CNNM4: variants seen among roughly 807,000 people sequenced by gnomAD.
The protein encoded by CNNM4 is metal transporter CNNM4.
Under a neutral mutation model 53.7 loss-of-function variants are expected in CNNM4, and 32 were observed. The ratio of observed to expected loss-of-function variants is 0.60; its 90% confidence interval spans 0.45 to 0.80. The LOEUF (loss-of-function observed/expected upper bound fraction) is 0.80. Among genes scored for constraint, CNNM4 ranks in the 30% least tolerant of loss-of-function variants. The pLI is 0.00. For synonymous variants in CNNM4, 410 were observed against 440.0 expected, an observed-to-expected ratio of 0.93 and a Z score of 0.85; for missense variants, 784 against 1,022.0, an observed-to-expected ratio of 0.77 and a Z score of 3.17.
intron 1 of CNNM4, among the ~76,000 whole-genome samples, chr2:96,773,737 G>A (rs2078898903): frequency 6.6e-6 from 1 of 151,742 alleles, no homozygotes; most frequent in Non-Finnish European, 1.5e-5. Context: ...CACCTACTCA[G>A]GAGGCTAAGA....
rs2079153597 is a variant in CNNM4, at chr2:96,801,088, CGGGTGTCCGCCTG to C, written c.1948+1442_1948+1454del. The C allele has an allele frequency of 1.0e-6, 1 of 985,290 alleles. No homozygotes were observed. Among genetic ancestry groups the C allele is most frequent in the Non-Finnish European group, 1.2e-6 (1 of 829,924 alleles). 61.0% of individuals were successfully genotyped at this position (985,290 alleles called of 1,614,324 possible). ...TTGCTCCAGTGCCTTCAGTCCAGGT[CGGGTGTCCGCCTG>C]GCAAGCGGAACTCCCTGCTCTGCTG... On this transcript the variant is annotated intron_variant, in intron 5 of 6. Coordinates refer to ENST00000377075, the MANE Select transcript of CNNM4 (RefSeq NM_020184.4). This position sits in a 1 kb window ranked among gnomAD's most constrained non-coding sequence, Gnocchi z 5.6.
rs1482694780 is a variant in CNNM4 at position 96,761,240 on chromosome 2, T to C, written c.241T>C (p.Tyr81His). 1.2e-6 allele frequency: 2 copies of C among 1,614,116 alleles called. No homozygotes were observed. The highest frequency in any genetic ancestry group is 1.7e-5 in the Admixed American group (1 of 60,030). The change falls in exon 1 of 7, where the codon TAC becomes CAC. Residue 81 changes from tyrosine to histidine, a missense_variant. By Grantham distance (83) the Tyr-to-His change is moderately conservative (BLOSUM62 2). Around this residue, in one of 3 missense-constraint regions of CNNM4, gnomAD observed 473 missense variants for 624.6 expected, o/e 0.76. Coordinates refer to ENST00000377075, the MANE Select transcript of CNNM4 (RefSeq NM_020184.4). The surrounding 1 kb of genome is among the most constrained non-coding windows in gnomAD (Gnocchi z 6.0). ...CACCGTGAACCTGAGGCTGTACGGC[T>C]ACAGCCTGGGCAACATCTCCAGCAA... The part of the protein sequence containing the change: ...GSTVNLRLYG[Y>H]SLGNISSNLI...
chr2:96,789,809 C>T (rs1417259050), intron 1 of CNNM4, among the ~76,000 whole-genome samples: 1 of 151,374 alleles, frequency 6.6e-6, no homozygotes, highest in Non-Finnish European at 1.5e-5. Flanking sequence ...TCTCCTGCCT[C>T]AGCCTCCTGA....
chr2:96,771,399 CA>C (rs1282877271), intron 1 of CNNM4, among the ~76,000 whole-genome samples: 1 of 149,534 alleles, frequency 6.7e-6, no homozygotes, highest in African/African-American at 2.5e-5. Flanking sequence ...CAAAACAAAA[CA>C]AAAACCTTAT....
rs2153349796 is a variant in CNNM4 at position 96,799,532 on chromosome 2, C to T, written c.1852-20C>T. ...TTCCTCCCTCACTTGGTCTCTAACT[C>T]CAGCCCTGTGTTTTTTCAGGGGAAG... On this transcript the variant is annotated intron_variant, in intron 4 of 6. Transcript: ENST00000377075. 1 of 1,550,000 alleles carries T rather than the reference C, an allele frequency of 6.5e-7. No homozygotes were observed. Among genetic ancestry groups the T allele is most frequent in the Non-Finnish European group, 8.7e-7 (1 of 1,144,900 alleles).
chr2:96,777,852 T>C (rs1047991173), intron 1 of CNNM4, among the ~76,000 whole-genome samples: 2 of 151,444 alleles, frequency 1.3e-5, no homozygotes, highest in African/African-American at 4.8e-5. Flanking sequence ...TTGCCTTGGC[T>C]GGTCTTGAAC....
At position 96,761,158 on chromosome 2, in the gene CNNM4, C is replaced by T. The variant is rs1265756408; in HGVS notation, c.159C>T (p.Ser53=). The part of the protein sequence containing the change: ...QGTIVGMRLA[S]CNKSCGTNPD... ...CGATCGTGGGCATGAGGCTGGCGAG[C>T]TGCAACAAGTCGTGTGGGACGAACC... is the stretch of plus-strand genomic sequence containing the variant. The change falls in exon 1 of 7, where the codon AGC becomes AGT. Residue 53 remains serine, a synonymous_variant. Transcript: ENST00000377075. This position sits in a 1 kb window ranked among gnomAD's most constrained non-coding sequence, Gnocchi z 6.0. The T allele has an allele frequency of 6.2e-7, 1 of 1,608,726 alleles. No individual in the cohort carries two copies. The highest frequency in any genetic ancestry group is 2.2e-5 in the East Asian group (1 of 44,782).
At chr2:96,792,008 C>T (rs534594249) in intron 1 of CNNM4, among the ~76,000 whole-genome samples, 19 of 151,952 alleles carry the variant, frequency 1.3e-4, no homozygotes, top group South Asian at 2.1e-4. Flanking sequence ...AATCTCAGCA[C>T]TTTGGGAGGC....
intron 1 of CNNM4, among the ~76,000 whole-genome samples, chr2:96,775,709 G>A (rs1014517542): frequency 6.6e-6 from 1 of 152,110 alleles, no homozygotes; most frequent in Non-Finnish European, 1.5e-5. Context: ...GTGCATGGTT[G>A]TGTCTCACTG....
At position 96,800,975 on chromosome 2, in the gene CNNM4, G is replaced by A; in HGVS notation, c.1948+1327G>A. 1 of 425,030 alleles carries A rather than the reference G, an allele frequency of 2.4e-6. No individual in the cohort carries two copies. Among genetic ancestry groups the A allele is most frequent in the Non-Finnish European group, 3.1e-6 (1 of 317,906 alleles). The allele number at this position is 425,030 out of a possible 1,614,324, so 26.3% of individuals were successfully genotyped here. On this transcript the variant is annotated intron_variant, in intron 5 of 6. Coordinates refer to ENST00000377075, the MANE Select transcript of CNNM4 (RefSeq NM_020184.4). This position sits in a 1 kb window ranked among gnomAD's most constrained non-coding sequence, Gnocchi z 4.6. The stretch of plus-strand genomic sequence containing the variant: ...TCCACTGGGCCCATCTCTGCCCAAA[G>A]CAGCCTGGCCCCGTCAGGTCTGCCT...
chr2:96,795,487 A>ACC (rs5832819), intron 1 of CNNM4, among the ~76,000 whole-genome samples: 90 of 137,094 alleles, frequency 6.6e-4, no homozygotes, highest in African/African-American at 1.8e-3. Context: ...ACAATGCAGT[A>ACC]CCCCCCCCCC....
intron 5 of CNNM4, among the ~76,000 whole-genome samples, chr2:96,804,856 G>T (rs1574085629): frequency 6.6e-6 from 1 of 151,452 alleles, no homozygotes; most frequent in Non-Finnish European, 1.5e-5. Context: ...ATTTGTGTTG[G>T]TTTTAAATTC....
At position 96,801,153 on chromosome 2, in the gene CNNM4, G is replaced by T; in HGVS notation, c.1948+1505G>T. ...CTCACAGGTAACGTGGCACAGCTGA[G>T]GGTCACGCTGCCACCTGCTGCCTGT... On this transcript the variant is annotated intron_variant, in intron 5 of 6. Transcript: ENST00000377075. The surrounding 1 kb of genome is among the most constrained non-coding windows in gnomAD (Gnocchi z 5.6). 1 of 984,158 alleles carries T rather than the reference G, an allele frequency of 1.0e-6. No individual in the cohort carries two copies. The highest frequency in any genetic ancestry group is 4.7e-5 in the South Asian group (1 of 21,270). The allele number at this position is 984,158 out of a possible 1,614,324, so 61.0% of individuals were successfully genotyped here. A position where few individuals can be genotyped will look rare whatever the true frequency, so the allele number is the denominator to read the frequency against.
intron 1 of CNNM4, among the ~76,000 whole-genome samples, chr2:96,779,101 C>T (rs752921749): frequency 1.9e-4 from 29 of 152,212 alleles, no homozygotes; most frequent in South Asian, 4.1e-4. Context: ...GGACTATAGG[C>T]GCCTGCCACC....
rs760464330 is a variant in CNNM4 at position 96,761,688 on chromosome 2, G to T, written c.689G>T (p.Arg230Leu). Residue 230 changes from arginine to leucine, a missense_variant, in exon 1 of 7, where the codon CGC (arginine) becomes CTC (leucine). This residue lies in a region of CNNM4 where 473 missense variants were observed against 624.6 expected (regional missense o/e 0.76). Coordinates refer to ENST00000377075, the MANE Select transcript of CNNM4 (RefSeq NM_020184.4). This position sits in a 1 kb window ranked among gnomAD's most constrained non-coding sequence, Gnocchi z 6.0. Reference sequence around the variant, plus strand: ...ACCGAGAAGGAGAGGCGCTATGCCCGCAAGATTGAGCCCATCCGGCGCAAG... The same window carrying T: ...ACCGAGAAGGAGAGGCGCTATGCCCTCAAGATTGAGCCCATCCGGCGCAAG... ...CGTEKERRYA[R>L]KIEPIRRKGN... 1.2e-6 allele frequency: 2 copies of T among 1,609,896 alleles called. No homozygotes were observed. Among genetic ancestry groups the T allele is most frequent in the Non-Finnish European group, 1.7e-6 (2 of 1,179,952 alleles).
At chr2:96,799,804 G>C (rs908237216) in intron 5 of CNNM4, among the ~76,000 whole-genome samples, 156 bp downstream of exon 5, 2 of 152,166 alleles carry the variant, frequency 1.3e-5, no homozygotes, top group African/African-American at 4.8e-5. Flanking sequence ...GGCCTGGAGC[G>C]GGTGGTGTGG....
intron 5 of CNNM4, among the ~76,000 whole-genome samples, chr2:96,803,738 AC>A (rs2079178270): frequency 6.7e-6 from 1 of 149,594 alleles, no homozygotes; most frequent in Non-Finnish European, 1.5e-5. Flanking sequence ...AAAAAAAAAA[AC>A]CTTGCAGTTT....
intron 3 of CNNM4, 84 bp from the exon 4 acceptor site, chr2:96,798,973 G>A (rs1349020065): frequency 1.3e-5 from 18 of 1,367,638 alleles, no homozygotes; most frequent in Non-Finnish European, 1.0e-6. Flanking sequence ...TGGCTGCTGT[G>A]GTTGGGGTGG....
intron 1 of CNNM4, chr2:96,788,474 A>C (rs1463122061): frequency 6.6e-6 from 1 of 152,196 alleles, no homozygotes; most frequent in Non-Finnish European, 1.5e-5. Flanking sequence ...CCCCGAGGCT[A>C]GAGGGCAGGG....
Sources: allele counts gnomAD v4.1 joint callset (sites outside exome capture counted in the v4.1 genomes callset), GRCh38; gene constraint gnomAD v4.1.1; regional missense constraint gnomAD v4.1.1; non-coding constraint Gnocchi (gnomAD v3.1); transcripts MANE v1.5; gene names NCBI Gene and HGNC (gene_info 2026-07-23, HGNC 2026-07-21).